The following FMN1 variants were observed in gnomAD, a reference collection of about 807,000 sequenced individuals.
The protein encoded by FMN1 is formin-1.
Under a neutral mutation model 132.4 loss-of-function variants are expected in FMN1, and 110 were observed. The observed-to-expected ratio is 0.83, with a 90% CI of 0.71 to 0.97. FMN1 has a LOEUF of 0.97. FMN1 is among the 50% of genes least tolerant of loss of function. The pLI is 0.00. For synonymous variants in FMN1, 722 were observed against 651.7 expected (o/e 1.11, Z -1.64); for missense variants, 1,792 against 1,705.3 (o/e 1.05, Z -0.90).
intron 6 of FMN1, among the ~76,000 whole-genome samples, chr15:33,013,684 A>C (rs2034870354): frequency 6.6e-6 from 1 of 152,216 alleles, no homozygotes; most frequent in African/African-American, 2.4e-5. Context: ...TGAATTCATA[A>C]AATAAGAAGC....
rs192265542 is a variant in FMN1, at chr15:33,170,293, C to T, written c.-132+9905G>A. On this transcript the variant is annotated intron_variant, in intron 3 of 20. Coordinates refer to ENST00000616417, the MANE Select transcript of FMN1 (RefSeq NM_001277313.2). ...ACTCAAGATGGATTAAAGAATTAAACGTAAGACATGAAACTAGTAGTGGAA... is the reference window on the plus strand; with the variant it reads ...ACTCAAGATGGATTAAAGAATTAAATGTAAGACATGAAACTAGTAGTGGAA... Among the ~76,000 whole-genome samples, 113 of 152,116 alleles carry T rather than the reference C, an allele frequency of 7.4e-4. 2 individuals carry two copies. Among genetic ancestry groups the T allele is most frequent in the African/African-American group, 2.6e-3 (109 of 41,510 alleles).
intron 4 of FMN1, among the ~76,000 whole-genome samples, chr15:33,127,271 C>T (rs1179471017): frequency 5.9e-5 from 9 of 152,294 alleles, no homozygotes; most frequent in South Asian, 4.1e-4. Flanking sequence ...CCTCCTTATT[C>T]TTCACAACAA....
intron 17 of FMN1, among the ~76,000 whole-genome samples, chr15:32,855,472 G>A (rs887218960): frequency 2.0e-5 from 3 of 152,044 alleles, no homozygotes; most frequent in African/African-American, 7.2e-5. Context: ...TCCCAAATGG[G>A]GATTTGCAAA....
chr15:33,160,177 G>T (rs762151333), intron 3 of FMN1, among the ~76,000 whole-genome samples: 4 of 152,008 alleles, frequency 2.6e-5, no homozygotes, highest in Non-Finnish European at 5.9e-5. Flanking sequence ...CCATACGAAG[G>T]GCTTTGAAAA....
At chr15:32,873,232 T>C (rs1180426186) in intron 16 of FMN1, among the ~76,000 whole-genome samples, 3 of 152,240 alleles carry the variant, frequency 2.0e-5, no homozygotes, top group Admixed American at 6.5e-5. Flanking sequence ...TTGTGGCCTA[T>C]AAACAAGGTT....
intron 7 of FMN1, among the ~76,000 whole-genome samples, chr15:32,997,188 A>T (rs1835578589): frequency 1.3e-5 from 2 of 152,296 alleles, no homozygotes; most frequent in East Asian, 1.9e-4. Flanking sequence ...TAAAGCTGGA[A>T]AGAGAAATTT....
chr15:33,039,832 G>A (rs183816581), intron 6 of FMN1, among the ~76,000 whole-genome samples: 1 of 152,114 alleles, frequency 6.6e-6, no homozygotes, highest in African/African-American at 2.4e-5. Context: ...AGAAGTCATT[G>A]GTTGCCTCTA....
intron 16 of FMN1, among the ~76,000 whole-genome samples, chr15:32,874,310 C>A (rs573482912): frequency 6.6e-6 from 1 of 152,098 alleles, no homozygotes; most frequent in South Asian, 2.1e-4. Flanking sequence ...TGTGAGCCAC[C>A]AAGCCCGGCC....
rs183927352 is a variant in FMN1 at position 32,776,393 on chromosome 15, T to A, written c.4215+442A>T. ...CAGAATCTGGTCCTGGCTTTTGTTATCCACTTGCTAAGTGACCCTGGGTAG... is the reference window on the plus strand; with the variant it reads ...CAGAATCTGGTCCTGGCTTTTGTTAACCACTTGCTAAGTGACCCTGGGTAG... On this transcript the variant is annotated intron_variant, in intron 20 of 20. Coordinates refer to ENST00000616417, the MANE Select transcript of FMN1 (RefSeq NM_001277313.2). 2.9e-3 allele frequency among the ~76,000 whole-genome samples: 444 copies of A among 152,356 alleles called. 1 individual carries two copies. The highest frequency in any genetic ancestry group is 5.5e-3 in the Non-Finnish European group (371 of 68,034).
intron 6 of FMN1, chr15:33,012,782 G>T: frequency 1.4e-6 from 1 of 702,068 alleles, no homozygotes; most frequent in Non-Finnish European, 2.6e-6. Flanking sequence ...GAAAACTTCA[G>T]TGGTCATGGT....
intron 5 of FMN1, among the ~76,000 whole-genome samples, chr15:33,074,313 G>A (rs1437854226): frequency 1.3e-5 from 2 of 152,184 alleles, no homozygotes; most frequent in Non-Finnish European, 2.9e-5. Context: ...AAAAGCCAGA[G>A]ATACCCTTAC....
chr15:32,957,272 C>G (rs2061790496), intron 9 of FMN1, among the ~76,000 whole-genome samples: 1 of 134,630 alleles, frequency 7.4e-6, no homozygotes, highest in South Asian at 2.6e-4. Flanking sequence ...GTTTAAAACA[C>G]AATTGGAAAG....
intron 16 of FMN1, among the ~76,000 whole-genome samples, chr15:32,870,930 T>A (rs1024037897): frequency 1.3e-5 from 2 of 152,210 alleles, no homozygotes; most frequent in Admixed American, 1.3e-4. Flanking sequence ...AATAATTTAA[T>A]GCTTTAGTAG....
chr15:32,878,360 AAC>A (rs1271048583), intron 16 of FMN1, among the ~76,000 whole-genome samples: 2 of 152,220 alleles, frequency 1.3e-5, no homozygotes, highest in African/African-American at 4.8e-5. Context: ...AAGATGAAAT[AAC>A]AGAGTGCTGT....
At chr15:32,978,851 A>C (rs898156445) in intron 7 of FMN1, among the ~76,000 whole-genome samples, 2 of 152,206 alleles carry the variant, frequency 1.3e-5, no homozygotes, top group African/African-American at 4.8e-5. Flanking sequence ...TTTGCCTTAC[A>C]TACTCCCAAC....
At chr15:33,010,280 A>T (rs2034641720) in intron 6 of FMN1, among the ~76,000 whole-genome samples, 1 of 152,160 alleles carries the variant, frequency 6.6e-6, no homozygotes, top group Admixed American at 6.5e-5. Flanking sequence ...AGAACAGATC[A>T]GAATAGTAGT....
At chr15:33,075,125 C>T (rs2038156833) in intron 5 of FMN1, among the ~76,000 whole-genome samples, 1 of 150,740 alleles carries the variant, frequency 6.6e-6, no homozygotes, top group African/African-American at 2.4e-5. Flanking sequence ...TATATATAAG[C>T]TCCCTGTGCT....
intron 19 of FMN1, among the ~76,000 whole-genome samples, chr15:32,784,002 T>C (rs1256100956): frequency 6.6e-6 from 1 of 152,104 alleles, no homozygotes; most frequent in Non-Finnish European, 1.5e-5. Flanking sequence ...CTGGTTTGTG[T>C]TGTACAAGGC....
chr15:33,126,230 T>C (rs895310586), intron 4 of FMN1, among the ~76,000 whole-genome samples: 8 of 152,098 alleles, frequency 5.3e-5, no homozygotes, highest in Admixed American at 3.3e-4. Context: ...AGAGTTTTCC[T>C]AGACTTCAGA....
Sources: gnomAD v4.1 joint callset for allele counts (sites outside exome capture counted in the v4.1 genomes callset) on GRCh38, gnomAD v4.1.1 for gene constraint, MANE v1.5 for transcripts, NCBI Gene and HGNC (gene_info 2026-07-23, HGNC 2026-07-21) for gene names.